Variants in FREM1 observed in about 807,000 individuals in gnomAD.
FREM1 encodes the protein FRAS1 related extracellular matrix 1, also known as FRAS1-related extracellular matrix protein 1.
A neutral mutation model predicts 210.1 loss-of-function variants in FREM1; 220 were observed. The ratio of observed to expected loss-of-function variants is 1.05; its 90% confidence interval spans 0.94 to 1.17. The LOEUF (loss-of-function observed/expected upper bound fraction) is 1.17, where lower values mean the gene tolerates loss of function less well. FREM1 is among the 50% of genes most tolerant of loss of function. The pLI is 0.00. For missense variants in FREM1, 3,454 were observed against 2,675.5 expected, an observed-to-expected ratio of 1.29 and a Z score of -6.42; for synonymous variants, 1,189 against 980.2, an observed-to-expected ratio of 1.21 and a Z score of -3.98.
chr9:14,831,577 G>A (rs902971768), intron 10 of FREM1, among the ~76,000 whole-genome samples: 1 of 152,188 alleles, frequency 6.6e-6, no homozygotes, highest in African/African-American at 2.4e-5. Context: ...TACTTAATTA[G>A]GAAGGGTATT....
At chr9:14,777,044 C>T (rs1335738651) in intron 24 of FREM1, among the ~76,000 whole-genome samples, 1 of 152,112 alleles carries the variant, frequency 6.6e-6, no homozygotes, top group Non-Finnish European at 1.5e-5. Context: ...TCTTTTAATC[C>T]CTGCACCCAC....
At chr9:14,752,042 G>A (rs952986098) in intron 29 of FREM1, among the ~76,000 whole-genome samples, 1 of 150,206 alleles carries the variant, frequency 6.7e-6, no homozygotes, top group African/African-American at 2.5e-5. Context: ...TCTCATGGAT[G>A]GATAAATCAA....
intron 3 of FREM1, among the ~76,000 whole-genome samples, chr9:14,860,716 TACACATATATAC>T (rs1468752737): frequency 1.4e-4 from 10 of 72,568 alleles, no homozygotes; most frequent in Non-Finnish European, 2.1e-4. Context: ...CACACATATA[TACACATATATAC>T]ACATATATAC....
rs1437255606 is a variant in FREM1 at position 14,770,623 on chromosome 9, G to C, written c.5041C>G (p.Leu1681Val). ...KILQGPKHGHLENTTTGEFIH... is the reference protein window; with the variant it reads ...KILQGPKHGHVENTTTGEFIH... ...CCAGTACCTGTTGTTGTGTTCTCCA[G>C]ATGTCCATGTTTTGGGCCTTGTAGA... is the stretch of plus-strand genomic sequence containing the variant. The change falls in exon 26 of 37, where the codon CTG becomes GTG. Residue 1681 changes from leucine (L) to valine (V), a missense_variant. Leu to Val is a conservative substitution (Grantham distance 32). Transcript: ENST00000380880. 1.1e-5 allele frequency: 17 copies of C among 1,612,660 alleles called. No individual in the cohort carries two copies. The highest frequency in any genetic ancestry group is 6.7e-5 in the Admixed American group (4 of 59,982).
intron 10 of FREM1, 107 bp from the exon 11 acceptor site, chr9:14,825,099 T>C (rs1383239283): frequency 8.3e-6 from 6 of 720,892 alleles, no homozygotes; most frequent in Non-Finnish European, 1.3e-5. Flanking sequence ...AAACTGTCAT[T>C]TATAATATAC....
intron 1 of FREM1, among the ~76,000 whole-genome samples, chr9:14,894,204 G>C (rs1465111941): frequency 6.6e-6 from 1 of 152,170 alleles, no homozygotes; most frequent in African/African-American, 2.4e-5. Flanking sequence ...ATATAAATAT[G>C]TTACTGGTAT....
At chr9:14,760,836 T>C (rs1404640353) in intron 27 of FREM1, among the ~76,000 whole-genome samples, 2 of 152,196 alleles carry the variant, frequency 1.3e-5, no homozygotes, top group Non-Finnish European at 2.9e-5. Context: ...CCAGAAACAT[T>C]TTCCTTTTTG....
intron 29 of FREM1, among the ~76,000 whole-genome samples, chr9:14,752,321 T>A (rs1196303900): frequency 1.3e-5 from 2 of 152,020 alleles, no homozygotes; most frequent in Admixed American, 1.3e-4. Flanking sequence ...GAAAACAACA[T>A]AAGTAAAGAC....
At chr9:14,778,956 C>T (rs759635787) in intron 24 of FREM1, among the ~76,000 whole-genome samples, 16 of 152,138 alleles carry the variant, frequency 1.1e-4, no homozygotes, top group Non-Finnish European at 1.9e-4. Flanking sequence ...TTTACTTAGT[C>T]ACCTTCACAG....
At chr9:14,772,483 A>G (rs1245608855) in intron 25 of FREM1, among the ~76,000 whole-genome samples, 1 of 152,186 alleles carries the variant, frequency 6.6e-6, no homozygotes, top group African/African-American at 2.4e-5. Context: ...TAGTATATAT[A>G]ATATCATCCC....
At chr9:14,888,897 C>A (rs1434374512) in intron 1 of FREM1, among the ~76,000 whole-genome samples, 2 of 152,076 alleles carry the variant, frequency 1.3e-5, no homozygotes, top group Non-Finnish European at 2.9e-5. Flanking sequence ...AATTAAAGGA[C>A]AAAAACACAG....
At chr9:14,797,775 T>C (rs1199053492) in intron 20 of FREM1, 133 bp from the exon 21 acceptor site, 1 of 600,380 alleles carries the variant, frequency 1.7e-6, no homozygotes, top group African/African-American at 1.9e-5. Flanking sequence ...AGGGTGAAAT[T>C]AAACTTGTTT....
chr9:14,870,148 A>G (rs1441353536), intron 1 of FREM1, among the ~76,000 whole-genome samples: 1 of 152,248 alleles, frequency 6.6e-6, no homozygotes, highest in Non-Finnish European at 1.5e-5. Context: ...CCATGTTAAT[A>G]ATTTCAATAA....
chr9:14,848,655 T>G lies in FREM1; in HGVS notation c.1261+10A>C. 5.0e-5 allele frequency: 75 copies of G among 1,514,728 alleles called. No individual in the cohort carries two copies. The highest frequency in any genetic ancestry group is 6.5e-5 in the Non-Finnish European group (71 of 1,090,262). The allele number at this position is 1,514,728 out of a possible 1,614,324, so 93.8% of individuals were successfully genotyped here. ...GGCTATGTTGCTCTATGCCTTATAT[T>G]GAGCTTTACCTGTATTCCAGGATAC... is the stretch of plus-strand genomic sequence containing the variant. On this transcript the variant is annotated intron_variant, in intron 7 of 36. Coordinates refer to ENST00000380880, the MANE Select transcript of FREM1 (RefSeq NM_001379081.2).
At chr9:14,872,462 T>C (rs6474867) in intron 1 of FREM1, among the ~76,000 whole-genome samples, 152,342 of 152,344 alleles carry the variant, frequency 1, 76,170 homozygotes, top group Middle Eastern at 1. Context: ...TGACTTGGCT[T>C]TCTGTTTGTC....
chr9:14,821,031 A>C (rs1481608310), intron 13 of FREM1, among the ~76,000 whole-genome samples: 1 of 152,214 alleles, frequency 6.6e-6, no homozygotes, highest in African/African-American at 2.4e-5. Flanking sequence ...ATAAAAGCAT[A>C]AGGCTAATTT....
At chr9:14,896,875 T>G (rs2132503649) in intron 1 of FREM1, among the ~76,000 whole-genome samples, 1 of 152,312 alleles carries the variant, frequency 6.6e-6, no homozygotes, top group East Asian at 1.9e-4. Context: ...TTCAGAAAAC[T>G]ATTCAGCATT....
intron 9 of FREM1, among the ~76,000 whole-genome samples, chr9:14,842,063 A>G (rs755691316): frequency 6.6e-6 from 1 of 152,212 alleles, no homozygotes; most frequent in Non-Finnish European, 1.5e-5. Context: ...AATTTTTCAT[A>G]GTGTAATGGT....
At chr9:14,886,775 G>A (rs956842114) in intron 1 of FREM1, among the ~76,000 whole-genome samples, 2 of 151,980 alleles carry the variant, frequency 1.3e-5, no homozygotes, top group African/African-American at 4.8e-5. Context: ...GCACATGCCT[G>A]TGGTCCCAGC....
Sources: gnomAD v4.1 joint callset for allele counts (sites outside exome capture counted in the v4.1 genomes callset) on GRCh38, gnomAD v4.1.1 for gene constraint, MANE v1.5 for transcripts, NCBI Gene and HGNC (gene_info 2026-07-23, HGNC 2026-07-21) for gene names.